Variants in PAFAH1B2 observed in about 807,000 individuals in gnomAD.
PAFAH1B2 encodes the protein platelet activating factor acetylhydrolase 1b catalytic subunit 2, also known as platelet-activating factor acetylhydrolase IB subunit alpha2.
In PAFAH1B2, 8 loss-of-function variants were observed where a neutral mutation model predicts 28.0. That is an observed-to-expected ratio of 0.29 (90% CI 0.17 to 0.52). PAFAH1B2 has a LOEUF of 0.52. Among genes scored for constraint, PAFAH1B2 ranks in the 20% least tolerant of loss-of-function variants. The probability of loss-of-function intolerance (pLI) is 0.97; values close to 1 mark genes in which losing one functional copy is unlikely to be tolerated. For missense variants in PAFAH1B2, 190 were observed against 282.6 expected, an observed-to-expected ratio of 0.67 and a Z score of 2.35; for synonymous variants, 104 against 103.2, an observed-to-expected ratio of 1.01 and a Z score of -0.05.
chr11:117,171,667 CTA>C, downstream of PAFAH1B2: 1 of 1,523,820 alleles, frequency 6.6e-7, no homozygotes. Flanking sequence ...GATAGTGAGA[CTA>C]GAACAAGGGT....
At chr11:117,174,705 T>A (rs12288902), downstream of PAFAH1B2, among the ~76,000 whole-genome samples, 4,040 of 152,216 alleles carry the variant, frequency 0.027, 184 homozygotes, top group African/African-American at 0.093. Context: ...CTCGAATTCC[T>A]GATCTCAGGT....
chr11:117,152,641 C>T (rs59395909), intron 2 of PAFAH1B2, 113 bp downstream of exon 2: 1 of 739,692 alleles, frequency 1.4e-6, no homozygotes, highest in Non-Finnish European at 2.4e-6. Flanking sequence ...TGATCTCAAA[C>T]TGCAGGGCTC....
rs201840683 is a variant in PAFAH1B2, at chr11:117,167,537, C to T, written c.528C>T (p.Asp176=). 16 of 1,613,186 alleles carry T rather than the reference C, an allele frequency of 9.9e-6. No individual in the cohort carries two copies. Among genetic ancestry groups the T allele is most frequent in the Middle Eastern group, 1.7e-4 (1 of 6,060 alleles). Residue 176 remains aspartate, a synonymous_variant, in exon 6 of 6, where the codon GAC becomes GAT. Coordinates refer to ENST00000527958, the MANE Select transcript of PAFAH1B2 (RefSeq NM_002572.4). ...KLANVQLLDT[D]GGFVHSDGAI... Reference sequence around the variant, plus strand: ...CCAACGTGCAGCTCCTGGATACCGACGGGGGTTTTGTGCACTCGGACGGTG... The same window carrying T: ...CCAACGTGCAGCTCCTGGATACCGATGGGGGTTTTGTGCACTCGGACGGTG...
At chr11:117,144,564 G>T (rs904679497) in intron 1 of PAFAH1B2, 146 bp downstream of exon 1, 8 of 176,448 alleles carry the variant, frequency 4.5e-5, no homozygotes, top group Admixed American at 1.9e-4. Context: ...ACTTGGGGGG[G>T]GCCTCGCGAG....
downstream of PAFAH1B2, among the ~76,000 whole-genome samples, chr11:117,172,667 C>G (rs1466669948): frequency 6.6e-5 from 10 of 152,074 alleles, no homozygotes; most frequent in Admixed American, 6.6e-4. Flanking sequence ...AGCCCCCTAT[C>G]TGGAATATGC....
At chr11:117,150,858 G>T (rs998628612) in intron 1 of PAFAH1B2, among the ~76,000 whole-genome samples, 2 of 151,928 alleles carry the variant, frequency 1.3e-5, no homozygotes, top group Non-Finnish European at 2.9e-5. Context: ...CGTGGTGGCG[G>T]GCGCTTGTAG....
rs1475615113 is a variant in PAFAH1B2 at position 117,169,245 on chromosome 11, C to G, written c.*1546C>G. 2 of 1,037,032 alleles carry G rather than the reference C, an allele frequency of 1.9e-6. No homozygotes were observed. Among genetic ancestry groups the G allele is most frequent in the East Asian group, 1.2e-4 (2 of 16,844 alleles). 64.2% of individuals were successfully genotyped at this position (1,037,032 alleles called of 1,614,324 possible). The stretch of plus-strand genomic sequence containing the variant: ...ACTTCTGAGGTGTCTTATTAATGTA[C>G]TTCATCTGAGAATTTGTTGATCTTA... On this transcript the variant is annotated 3_prime_UTR_variant, in exon 6 of 6. Transcript: ENST00000527958.
rs149451403 is a variant in PAFAH1B2 at position 117,153,371 on chromosome 11, GTT to G, written c.81+852_81+853del. On this transcript the variant is annotated intron_variant, in intron 2 of 5. Transcript: ENST00000527958. ...TTGTGTCTGTATCTATTTTGTTTTA[GTT>G]TTTTTTTTGTTGTTGTTGTTGGTTT... Among the ~76,000 whole-genome samples, 205 of 74,666 alleles carry G rather than the reference GTT, an allele frequency of 2.7e-3. 5 individuals carry two copies. In the East Asian group the frequency reaches 0.048, roughly 17 times the overall value. The allele number at this position is 74,666 out of a possible 152,430, so 49.0% of individuals were successfully genotyped here.
rs1956612079 is a variant in PAFAH1B2, at chr11:117,170,020, A to C, written c.*2321A>C. The stretch of plus-strand genomic sequence containing the variant: ...TATCTACCAGAGCTATTCAAGCAAT[A>C]GTATTTGAACCACTAGCCTTTTAAA... On this transcript the variant is annotated 3_prime_UTR_variant, in exon 6 of 6. Coordinates refer to ENST00000527958, the MANE Select transcript of PAFAH1B2 (RefSeq NM_002572.4). 3.8e-6 allele frequency: 4 copies of C among 1,055,182 alleles called. No homozygotes were observed. The highest frequency in any genetic ancestry group is 4.6e-6 in the Non-Finnish European group (4 of 873,168). The allele number at this position is 1,055,182 out of a possible 1,614,324, so 65.4% of individuals were successfully genotyped here.
At chr11:117,174,922 G>A (rs1473643197), downstream of PAFAH1B2, 1 of 1,526,662 alleles carries the variant, frequency 6.6e-7, no homozygotes. Context: ...GCCATCTTCA[G>A]GTCATTTTAA....
chr11:117,175,640 T>C (rs2029936770), downstream of PAFAH1B2: 6 of 1,253,282 alleles, frequency 4.8e-6, no homozygotes, highest in Non-Finnish European at 6.0e-6. Context: ...TCAAACTTCA[T>C]TGTGCATAGC....
At chr11:117,145,532 T>G (rs952292300) in intron 1 of PAFAH1B2, among the ~76,000 whole-genome samples, 9 of 152,184 alleles carry the variant, frequency 5.9e-5, no homozygotes, top group Admixed American at 2.6e-4. Flanking sequence ...GTCTTTGGCT[T>G]CTTCTGGGCA....
intron 1 of PAFAH1B2, among the ~76,000 whole-genome samples, chr11:117,145,877 T>G (rs1054342973): frequency 1.6e-4 from 25 of 152,224 alleles, no homozygotes; most frequent in African/African-American, 5.8e-4. Flanking sequence ...ACGTGGTTTC[T>G]CATTAAATAC....
At chr11:117,173,186 G>T (rs1414864818), downstream of PAFAH1B2, among the ~76,000 whole-genome samples, 1 of 152,200 alleles carries the variant, frequency 6.6e-6, no homozygotes, top group Non-Finnish European at 1.5e-5. Context: ...TTCATCACGT[G>T]GCCAGAGGGA....
chr11:117,159,746 A>G (rs1565267888), intron 2 of PAFAH1B2, 188 bp from the exon 3 acceptor site: 2 of 529,386 alleles, frequency 3.8e-6, no homozygotes, highest in East Asian at 2.9e-5. Flanking sequence ...GAAAAAAAAA[A>G]AAAAAGAAAG....
At position 117,170,694 on chromosome 11, in the gene PAFAH1B2, A is replaced by G. The variant is rs540022922; in HGVS notation, c.*2995A>G. ...TTTTTTAACCTAGTCACTGTTTACA[A>G]TTGTATGCTAAAGCCTGAAATATTG... On this transcript the variant is annotated 3_prime_UTR_variant, in exon 6 of 6. Coordinates refer to ENST00000527958, the MANE Select transcript of PAFAH1B2 (RefSeq NM_002572.4). 6 of 1,059,886 alleles carry G rather than the reference A, an allele frequency of 5.7e-6. No individual in the cohort carries two copies. Among genetic ancestry groups the G allele is most frequent in the African/African-American group, 1.6e-5 (1 of 60,698 alleles). 65.7% of individuals were successfully genotyped at this position (1,059,886 alleles called of 1,614,324 possible). A position where few individuals can be genotyped will look rare whatever the true frequency, so the allele number is the denominator to read the frequency against.
chr11:117,162,261 A>C (rs1259245858), intron 4 of PAFAH1B2, among the ~76,000 whole-genome samples: 3 of 152,110 alleles, frequency 2.0e-5, no homozygotes, highest in African/African-American at 7.2e-5. Flanking sequence ...AGCCTCCCAA[A>C]TAGCTAGGAC....
chr11:117,145,180 G>A (rs1320100838), intron 1 of PAFAH1B2, among the ~76,000 whole-genome samples: 1 of 152,098 alleles, frequency 6.6e-6, no homozygotes, highest in Non-Finnish European at 1.5e-5. Flanking sequence ...AGGTTTGGGG[G>A]GATGTTTTTT....
At chr11:117,145,554 C>G (rs1347850249) in intron 1 of PAFAH1B2, among the ~76,000 whole-genome samples, 1 of 152,150 alleles carries the variant, frequency 6.6e-6, no homozygotes, top group Non-Finnish European at 1.5e-5. Context: ...ATTGTTCTGA[C>G]ATAAAGGTTG....
Sources: allele counts gnomAD v4.1 joint callset (sites outside exome capture counted in the v4.1 genomes callset), GRCh38; gene constraint gnomAD v4.1.1; transcripts MANE v1.5; gene names NCBI Gene and HGNC (gene_info 2026-07-23, HGNC 2026-07-21).